The following NTM variants were observed in gnomAD, a reference collection of about 807,000 sequenced individuals.
The protein encoded by NTM is neurotrimin, also known as IgLON family member 2.
NTM carries 13 observed loss-of-function variants against 42.1 expected under a neutral mutation model. That is an observed-to-expected ratio of 0.31 (90% CI 0.20 to 0.49). The LOEUF (loss-of-function observed/expected upper bound fraction) is 0.49, where lower values mean the gene tolerates loss of function less well. NTM is among the 20% of genes least tolerant of loss of function. NTM has a pLI of 0.99. For synonymous variants in NTM, 187 were observed against 179.2 expected, an observed-to-expected ratio of 1.04 and a Z score of -0.35; for missense variants, 373 against 452.8, an observed-to-expected ratio of 0.82 and a Z score of 1.60.
chr11:131,918,477 T>C (rs551794531), intron 2 of NTM, among the ~76,000 whole-genome samples: 79 of 152,110 alleles, frequency 5.2e-4, no homozygotes, highest in Non-Finnish European at 9.3e-4. Context: ...AGATACTCCA[T>C]CAGGTGGACA....
intron 3 of NTM, among the ~76,000 whole-genome samples, chr11:132,149,664 T>C (rs2071414093): frequency 6.6e-6 from 1 of 152,062 alleles, no homozygotes. Flanking sequence ...TCCAATATGG[T>C]TATTTCTTGC....
rs1172330720 is a variant in NTM at position 132,321,003 on chromosome 11, A to T, written c.934+6300A>T. On this transcript the variant is annotated intron_variant, in intron 7 of 8. Transcript: ENST00000683400. The stretch of plus-strand genomic sequence containing the variant: ...AGGAAAACTAACAAACAGAAAGGAC[A>T]TCCACACCAAAAACCCATCTGTACA... 2.6e-4 allele frequency among the ~76,000 whole-genome samples: 39 copies of T among 150,766 alleles called. 2 individuals are homozygous for T. The highest frequency in any genetic ancestry group is 9.7e-4 in the African/African-American group (39 of 40,338).
intron 3 of NTM, among the ~76,000 whole-genome samples, chr11:132,187,346 A>G (rs961138075): frequency 2.6e-5 from 4 of 151,930 alleles, no homozygotes; most frequent in Non-Finnish European, 5.9e-5. Flanking sequence ...ACTCCCCTTC[A>G]TATTTTTCTT....
chr11:131,624,763 C>T (rs1374453051), intron 1 of NTM, among the ~76,000 whole-genome samples: 1 of 152,210 alleles, frequency 6.6e-6, no homozygotes, highest in Admixed American at 6.5e-5. Flanking sequence ...GGGCGAGTCC[C>T]TCTATCTTTG....
chr11:131,687,224 A>T (rs1438011471), intron 1 of NTM, among the ~76,000 whole-genome samples: 1 of 152,236 alleles, frequency 6.6e-6, no homozygotes, highest in African/African-American at 2.4e-5. Context: ...TTGTACCTGC[A>T]TGAAACGTGA....
rs1367231690 is a variant in NTM at position 131,752,203 on chromosome 11, T to C, written c.83-159361T>C. On this transcript the variant is annotated intron_variant, in intron 1 of 8. Coordinates refer to ENST00000683400, the MANE Select transcript of NTM (RefSeq NM_001352005.2). The stretch of plus-strand genomic sequence containing the variant: ...GAACCACTTTGAAAAGTTGTATGTT[T>C]TAACCCCATCAAAAAGTGGGCGAAG... Among the ~76,000 whole-genome samples, 4 of 152,246 alleles carry C rather than the reference T, an allele frequency of 2.6e-5. No individual in the cohort carries two copies. The East Asian group carries it at 7.7e-4, about 29-fold the overall frequency.
At chr11:131,433,952 C>G (rs1403653743) in intron 1 of NTM, among the ~76,000 whole-genome samples, 1 of 152,160 alleles carries the variant, frequency 6.6e-6, no homozygotes, top group Non-Finnish European at 1.5e-5. Flanking sequence ...CTCCCTATCC[C>G]CAACCCCACA....
At chr11:132,107,485 G>A (rs776512280) in intron 2 of NTM, among the ~76,000 whole-genome samples, 1 of 150,720 alleles carries the variant, frequency 6.6e-6, no homozygotes, top group Admixed American at 6.6e-5. Flanking sequence ...TGAGTAGCTA[G>A]AAGTAGAGGT....
At chr11:132,275,994 G>C (rs1175590113) in intron 4 of NTM, among the ~76,000 whole-genome samples, 2 of 151,572 alleles carry the variant, frequency 1.3e-5, no homozygotes, top group Non-Finnish European at 2.9e-5. Context: ...CTCGCCTCCT[G>C]CTTCTCCTTG....
chr11:131,600,257 C>T (rs2060354523), intron 1 of NTM, among the ~76,000 whole-genome samples: 1 of 152,128 alleles, frequency 6.6e-6, no homozygotes, highest in African/African-American at 2.4e-5. Flanking sequence ...GCACATTCCT[C>T]ATGCAGAAAT....
chr11:131,724,942 G>A (rs979743578), intron 1 of NTM, among the ~76,000 whole-genome samples: 2 of 152,208 alleles, frequency 1.3e-5, no homozygotes, highest in Middle Eastern at 3.2e-3. Flanking sequence ...AGTCAGGGGA[G>A]TGAGGGGCTC....
chr11:131,719,438 A>ATT (rs2135385219), intron 1 of NTM, among the ~76,000 whole-genome samples: 1 of 152,312 alleles, frequency 6.6e-6, no homozygotes, highest in African/African-American at 2.4e-5. Context: ...CGCTTCTAAA[A>ATT]AATGCATAGC....
At chr11:131,826,282 G>A (rs751559054) in intron 1 of NTM, among the ~76,000 whole-genome samples, 11 of 152,136 alleles carry the variant, frequency 7.2e-5, no homozygotes, top group Non-Finnish European at 1.6e-4. Flanking sequence ...GACGAATGAA[G>A]CCTTAGCATG....
intron 1 of NTM, among the ~76,000 whole-genome samples, chr11:131,587,446 C>CA (rs11327748): frequency 1.3e-3 from 179 of 141,620 alleles, no homozygotes; most frequent in African/African-American, 3.3e-3. Context: ...AGACTCTGTC[C>CA]AAAAAAAAAA....
At chr11:131,435,081 T>A (rs1246226157) in intron 1 of NTM, among the ~76,000 whole-genome samples, 1 of 152,242 alleles carries the variant, frequency 6.6e-6, no homozygotes. Flanking sequence ...CTCAGGTTTG[T>A]TAAAGATCAG....
intron 2 of NTM, among the ~76,000 whole-genome samples, chr11:131,982,754 TAA>T (rs1593387360): frequency 6.6e-6 from 1 of 152,240 alleles, no homozygotes; most frequent in Non-Finnish European, 1.5e-5. Context: ...CCACTGGCTT[TAA>T]AATCTAGGAC....
chr11:131,699,689 C>T lies in NTM; in HGVS notation c.83-211875C>T, dbSNP rs139610507. On this transcript the variant is annotated intron_variant, in intron 1 of 8. Transcript: ENST00000683400. ...GAGGAAGGGGAAGCAAACGCGTCCT[C>T]CTTCACATGAAGGCAGGAAAGAGAA... is the stretch of plus-strand genomic sequence containing the variant. 2.4e-3 allele frequency among the ~76,000 whole-genome samples: 369 copies of T among 152,134 alleles called. 1 individual carries two copies. The highest frequency in any genetic ancestry group is 8.2e-3 in the African/African-American group (342 of 41,496).
intron 3 of NTM, among the ~76,000 whole-genome samples, chr11:132,206,546 A>ATTAG: frequency 6.6e-6 from 1 of 152,212 alleles, no homozygotes; most frequent in South Asian, 2.1e-4. Flanking sequence ...TATTAGCTCC[A>ATTAG]TTTTATAAAT....
rs971376921 is a variant in NTM at position 131,532,001 on chromosome 11, G to A, written c.82+161113G>A. Among the ~76,000 whole-genome samples the A allele has an allele frequency of 2.0e-5, 3 of 152,184 alleles. No homozygotes were observed. The East Asian group carries it at 5.8e-4, about 29-fold the overall frequency. On this transcript the variant is annotated intron_variant, in intron 1 of 8. Coordinates refer to ENST00000683400, the MANE Select transcript of NTM (RefSeq NM_001352005.2). Reference sequence around the variant, plus strand: ...TCATAGTCAGCCTGCAAGATCTGCTGCCTTCATGTATGTGTGTTGCTTGGT... The same window carrying A: ...TCATAGTCAGCCTGCAAGATCTGCTACCTTCATGTATGTGTGTTGCTTGGT...
Sources: gnomAD v4.1 joint callset for allele counts (sites outside exome capture counted in the v4.1 genomes callset) on GRCh38, gnomAD v4.1.1 for gene constraint, MANE v1.5 for transcripts, NCBI Gene and HGNC (gene_info 2026-07-23, HGNC 2026-07-21) for gene names.